The following PMM2 variants were observed in gnomAD, a reference collection of about 807,000 sequenced individuals.
The protein encoded by PMM2 is mannose-6-phosphate isomerase.
Under a neutral mutation model 33.2 loss-of-function variants are expected in PMM2, and 35 were observed. The ratio of observed to expected loss-of-function variants is 1.06; its 90% confidence interval spans 0.81 to 1.40. The LOEUF is 1.40. Ranked by LOEUF, PMM2 falls within the 40% of genes most tolerant of loss-of-function variation. PMM2 has a pLI of 0.00. For synonymous variants in PMM2, 153 were observed against 114.7 expected (o/e 1.33, Z -2.13); for missense variants, 386 against 306.0 (o/e 1.26, Z -1.95).
intron 7 of PMM2, among the ~76,000 whole-genome samples, chr16:8,834,539 A>G (rs1337641473): frequency 6.6e-6 from 1 of 152,050 alleles, no homozygotes; most frequent in African/African-American, 2.4e-5. Context: ...GAGTGAAGCT[A>G]ATTTGCCAGT....
intron 7 of PMM2, chr16:8,832,166 C>T: frequency 1.0e-6 from 1 of 985,406 alleles, no homozygotes; most frequent in Non-Finnish European, 1.2e-6. Flanking sequence ...AGGCTGCACC[C>T]CAGGAAGGAG....
chr16:8,829,113 G>T (rs550386595), intron 7 of PMM2: 1 of 152,320 alleles, frequency 6.6e-6, no homozygotes, highest in Admixed American at 6.5e-5. Flanking sequence ...GAGTAGCTGG[G>T]GATTTGTATT....
At chr16:8,835,046 TAG>T (rs1203815556) in intron 7 of PMM2, among the ~76,000 whole-genome samples, 1 of 149,858 alleles carries the variant, frequency 6.7e-6, no homozygotes, top group African/African-American at 2.5e-5. Context: ...ACGAGAAATG[TAG>T]AGAGTGAGTT....
At chr16:8,820,984 G>C (rs1333478997) in intron 7 of PMM2, among the ~76,000 whole-genome samples, 1 of 119,400 alleles carries the variant, frequency 8.4e-6, no homozygotes, top group African/African-American at 3.1e-5. Context: ...GGCTTTGGAT[G>C]GCAGTTGGCC....
At chr16:8,816,298 G>A (rs915808214) in intron 7 of PMM2, among the ~76,000 whole-genome samples, 1 of 151,762 alleles carries the variant, frequency 6.6e-6, no homozygotes, top group Non-Finnish European at 1.5e-5. Context: ...AGCTAATTTT[G>A]TATTTTTAGT....
chr16:8,807,037 G>A (rs1249810696), intron 4 of PMM2: 1 of 153,948 alleles, frequency 6.5e-6, no homozygotes, highest in African/African-American at 2.4e-5. Context: ...CTCTGTGGCC[G>A]AGGCTGGAGT....
chr16:8,828,988 T>C (rs1295346973), intron 7 of PMM2, among the ~76,000 whole-genome samples: 1 of 152,168 alleles, frequency 6.6e-6, no homozygotes, highest in African/African-American at 2.4e-5. Flanking sequence ...GTTTTTCTTT[T>C]TTCTTTTGAG....
chr16:8,812,914 A>C, intron 6 of PMM2, 77 bp from the exon 7 acceptor site: 2 of 855,048 alleles, frequency 2.3e-6, no homozygotes, highest in Non-Finnish European at 4.1e-6. Context: ...ACAAAAGAGT[A>C]AATTGTTTTT....
intron 7 of PMM2, among the ~76,000 whole-genome samples, chr16:8,827,417 A>C (rs1051844633): frequency 8.1e-5 from 12 of 147,406 alleles, no homozygotes; most frequent in African/African-American, 3.0e-4. Context: ...TTTGAAATGG[A>C]GTCTTGCTCT....
chr16:8,835,418 A>T (rs1020476843), intron 7 of PMM2, among the ~76,000 whole-genome samples: 2 of 151,952 alleles, frequency 1.3e-5, no homozygotes, highest in Non-Finnish European at 2.9e-5. Context: ...AGCCCAGGTA[A>T]TTTGCTGAGC....
intron 7 of PMM2, among the ~76,000 whole-genome samples, chr16:8,842,916 A>C (rs1383007687): frequency 6.6e-6 from 1 of 152,100 alleles, no homozygotes; most frequent in African/African-American, 2.4e-5. Flanking sequence ...GAAGGAGTAG[A>C]AATGTCCCAT....
At chr16:8,810,954 G>A (rs2097430588) in intron 4 of PMM2, 125 bp from the exon 5 acceptor site, 3 of 710,380 alleles carry the variant, frequency 4.2e-6, no homozygotes, top group South Asian at 1.5e-5. Context: ...ATAGCACAGA[G>A]CTGAGAAACA....
At position 8,840,944 on chromosome 16, in the gene PMM2, C is replaced by T. The variant is rs149835447; in HGVS notation, c.640-6780C>T. ...GCCTGCTGGAGGACTGGAAGACAGT[C>T]GCCTAGAGGGCTGGTGTCTGGGATG... On this transcript the variant is annotated intron_variant, in intron 7 of 7. Transcript: ENST00000268261. Among the ~76,000 whole-genome samples, 303 of 152,028 alleles carry T rather than the reference C, an allele frequency of 2.0e-3. 3 individuals carry two copies. The highest frequency in any genetic ancestry group is 6.7e-3 in the African/African-American group (279 of 41,522).
At chr16:8,824,120 T>C (rs974104152) in intron 7 of PMM2, among the ~76,000 whole-genome samples, 1 of 152,230 alleles carries the variant, frequency 6.6e-6, no homozygotes, top group African/African-American at 2.4e-5. Flanking sequence ...AAGTATACTT[T>C]AACTCAATTG....
chr16:8,798,977 A>G (rs1050975112), intron 1 of PMM2, among the ~76,000 whole-genome samples: 1 of 152,174 alleles, frequency 6.6e-6, no homozygotes, highest in Non-Finnish European at 1.5e-5. Context: ...CAAGTTCTTC[A>G]AAGGCTTTTT....
chr16:8,825,316 C>A (rs1047781891), intron 7 of PMM2, among the ~76,000 whole-genome samples: 1 of 151,826 alleles, frequency 6.6e-6, no homozygotes, highest in South Asian at 2.1e-4. Flanking sequence ...CAGGCATGAG[C>A]CACTGTGCCC....
intron 7 of PMM2, among the ~76,000 whole-genome samples, chr16:8,828,874 G>C (rs546804870): frequency 6.6e-6 from 1 of 152,316 alleles, no homozygotes; most frequent in African/African-American, 2.4e-5. Context: ...AAGGTGTGTC[G>C]TATTAATGTG....
At chr16:8,813,182 T>C (rs2060687636) in intron 7 of PMM2, 76 bp downstream of exon 7, 1 of 933,300 alleles carries the variant, frequency 1.1e-6, no homozygotes, top group East Asian at 2.4e-5. Context: ...TGGGCTGTTT[T>C]TCCTGTACCT....
At chr16:8,828,827 A>G (rs2060793029) in intron 7 of PMM2, among the ~76,000 whole-genome samples, 1 of 152,132 alleles carries the variant, frequency 6.6e-6, no homozygotes, top group Non-Finnish European at 1.5e-5. Context: ...ATCTCCAGCT[A>G]CTAAAGCAAT....
Sources: gnomAD v4.1 joint callset for allele counts (sites outside exome capture counted in the v4.1 genomes callset) on GRCh38, gnomAD v4.1.1 for gene constraint, MANE v1.5 for transcripts, NCBI Gene and HGNC (gene_info 2026-07-23, HGNC 2026-07-21) for gene names.